The following TBCCD1 variants were observed in gnomAD, a reference collection of about 807,000 sequenced individuals.
The protein encoded by TBCCD1 is TBCC domain-containing protein 1.
In TBCCD1, 26 loss-of-function variants were observed where a neutral mutation model predicts 53.4. The observed-to-expected ratio is 0.49, with a 90% CI of 0.36 to 0.68. TBCCD1 has a LOEUF of 0.68. Ranked by LOEUF, TBCCD1 falls within the 30% of genes least tolerant of loss-of-function variation. The pLI is 0.00. For missense variants in TBCCD1, 558 were observed against 669.5 expected, an observed-to-expected ratio of 0.83 and a Z score of 1.84; for synonymous variants, 245 against 241.7, an observed-to-expected ratio of 1.01 and a Z score of -0.13.
At position 186,564,190 on chromosome 3, in the gene TBCCD1, C is replaced by A. The variant is rs1323724450; in HGVS notation, c.140G>T (p.Gly47Val). 1 of 1,614,142 alleles carries A rather than the reference C, an allele frequency of 6.2e-7. No individual in the cohort carries two copies. The highest frequency in any genetic ancestry group is 1.7e-5 in the Admixed American group (1 of 60,026). Reference sequence around the variant, plus strand: ...AGACCAGTAGAGGCGCGGGTAAGCTCCTTCTGTGGCCCGGATTTGCACATA... The same window carrying A: ...AGACCAGTAGAGGCGCGGGTAAGCTACTTCTGTGGCCCGGATTTGCACATA... ...STYVQIRATE[G>V]AYPRLYWSTW... is the part of the protein sequence containing the mutation. The change falls in exon 2 of 8, where the codon GGA becomes GTA. Residue 47 changes from glycine to valine, a missense_variant. Gly to Val is a moderately radical substitution (Grantham distance 109, BLOSUM62 -3). Transcript: ENST00000338733.
chr3:186,569,537 T>G (rs1038608309), upstream of TBCCD1, among the ~76,000 whole-genome samples: 1 of 152,008 alleles, frequency 6.6e-6, no homozygotes, highest in Non-Finnish European at 1.5e-5. Flanking sequence ...CAGCCTGGTC[T>G]CAAGCTCCTG....
intron 6 of TBCCD1, among the ~76,000 whole-genome samples, chr3:186,552,386 C>G (rs1714407030): frequency 6.6e-6 from 1 of 152,234 alleles, no homozygotes; most frequent in Non-Finnish European, 1.5e-5. Flanking sequence ...ATACCTTAAA[C>G]CACCACCATT....
chr3:186,549,335 C>T (rs1046880869), intron 7 of TBCCD1, among the ~76,000 whole-genome samples: 1 of 151,826 alleles, frequency 6.6e-6, no homozygotes, highest in Non-Finnish European at 1.5e-5. Context: ...TCCCTACATA[C>T]ATGAGTTTAT....
chr3:186,557,658 T>C (rs1714579362), intron 3 of TBCCD1, among the ~76,000 whole-genome samples: 1 of 152,130 alleles, frequency 6.6e-6, no homozygotes, highest in South Asian at 2.1e-4. Flanking sequence ...GAATAGCTGC[T>C]TGTAAGGGCC....
intron 4 of TBCCD1, among the ~76,000 whole-genome samples, chr3:186,556,052 T>C (rs190407004): frequency 1.3e-3 from 192 of 152,278 alleles, no homozygotes; most frequent in Non-Finnish European, 2.1e-3. Context: ...GCTGAAATAC[T>C]GGGAGGTCAC....
chr3:186,561,385 A>G (rs912785518), intron 2 of TBCCD1, among the ~76,000 whole-genome samples: 14 of 152,366 alleles, frequency 9.2e-5, no homozygotes, highest in South Asian at 2.1e-4. Flanking sequence ...CAAAACCACA[A>G]TGAGATATCA....
At chr3:186,555,118 TATCAA>T in intron 4 of TBCCD1, 34 bp from the exon 5 acceptor site, 4 of 1,552,694 alleles carry the variant, frequency 2.6e-6, no homozygotes, top group Non-Finnish European at 3.5e-6. Context: ...GATGAGGCAG[TATCAA>T]ATCAAAGAAA....
chr3:186,547,900 T>C (rs1346983996), intron 7 of TBCCD1, among the ~76,000 whole-genome samples: 10 of 151,268 alleles, frequency 6.6e-5, no homozygotes, highest in African/African-American at 2.4e-4. Context: ...CTAAATTCTT[T>C]AAAAAAAAAT....
Position 186,564,078 on chromosome 3 carries a change from C to T in TBCCD1, c.252G>A (p.Met84Ile), listed in dbSNP as rs752745741. 6.2e-7 allele frequency: 1 copy of T among 1,614,090 alleles called. No homozygotes were observed. The highest frequency in any genetic ancestry group is 1.3e-5 in the African/African-American group (1 of 74,920). ...ATTCCAGGCGCTCCTCAGGTGTCTT[C>T]ATTGAAAGACTATCAAATATTTCGA... ...LYFEIFDSLS[M>I]KTPEERLEWS... The change falls in exon 2 of 8, where the codon ATG becomes ATA. Residue 84 changes from methionine to isoleucine, a missense_variant. Transcript: ENST00000338733.
At chr3:186,551,596 G>A (rs960618898) in intron 6 of TBCCD1, among the ~76,000 whole-genome samples, 4 of 152,188 alleles carry the variant, frequency 2.6e-5, no homozygotes, top group Non-Finnish European at 5.9e-5. Flanking sequence ...GACACTTCAC[G>A]ACTCCAGAGG....
Position 186,546,764 on chromosome 3 carries a change from G to C in TBCCD1, c.*213C>G, listed in dbSNP as rs894931763. 6.7e-6 allele frequency: 1 copy of C among 150,178 alleles called. No homozygotes were observed. Among genetic ancestry groups the C allele is most frequent in the Non-Finnish European group, 1.5e-5 (1 of 67,890 alleles). 9.3% of individuals were successfully genotyped at this position (150,178 alleles called of 1,614,324 possible). ...GAGAATGGCGTGAACCCGGGAGGCA[G>C]AGCTTGCAGTGAGCCGAGATCGCGC... On this transcript the variant is annotated 3_prime_UTR_variant, in exon 8 of 8. Transcript: ENST00000338733.
intron 7 of TBCCD1, among the ~76,000 whole-genome samples, chr3:186,550,108 T>C (rs1446361179): frequency 6.6e-6 from 1 of 151,434 alleles, no homozygotes; most frequent in Non-Finnish European, 1.5e-5. Context: ...GTGCCTGTAA[T>C]CTCAGCTACT....
chr3:186,554,240 TA>T lies in TBCCD1; in HGVS notation c.1544+13del. Reference sequence around the variant, plus strand: ...CACAAAAAACACAAACTGTTACTTGTAAAAAATACTCACTTTGTCAAATGAG... The same window carrying T: ...CACAAAAAACACAAACTGTTACTTGTAAAAATACTCACTTTGTCAAATGAG... On this transcript the variant is annotated intron_variant, in intron 6 of 7. Transcript: ENST00000338733. The T allele has an allele frequency of 6.2e-7, 1 of 1,608,156 alleles. No individual in the cohort carries two copies. The highest frequency in any genetic ancestry group is 8.5e-7 in the Non-Finnish European group (1 of 1,178,770).
intron 5 of TBCCD1, 34 bp downstream of exon 5, chr3:186,554,864 C>G (rs1181188075): frequency 1.2e-6 from 2 of 1,605,820 alleles, no homozygotes; most frequent in East Asian, 4.5e-5. Flanking sequence ...AAGAAAATGT[C>G]AGAACATCAG....
intron 6 of TBCCD1, among the ~76,000 whole-genome samples, chr3:186,553,015 T>A (rs550318479): frequency 6.6e-6 from 1 of 152,190 alleles, no homozygotes; most frequent in African/African-American, 2.4e-5. Context: ...ATTAGAGGGG[T>A]CAGAGCAGGG....
chr3:186,560,981 G>A (rs1434648835), intron 2 of TBCCD1, among the ~76,000 whole-genome samples: 2 of 152,092 alleles, frequency 1.3e-5, no homozygotes, highest in Non-Finnish European at 2.9e-5. Flanking sequence ...TCAAAATGGA[G>A]GAAAGACTTA....
chr3:186,549,237 G>A (rs183444060), intron 7 of TBCCD1, among the ~76,000 whole-genome samples: 8 of 152,232 alleles, frequency 5.3e-5, no homozygotes, highest in Admixed American at 3.9e-4. Flanking sequence ...GCAGTGAGCC[G>A]AGACCGCACC....
In TBCCD1 at chr3:186,552,155, A is replaced by C. The variant is rs191179555; in HGVS notation, c.1545-876T>G. Among the ~76,000 whole-genome samples, 365 of 152,304 alleles carry C rather than the reference A, an allele frequency of 2.4e-3. 1 individual carries two copies. Among genetic ancestry groups the C allele is most frequent in the African/African-American group, 8.5e-3 (352 of 41,568 alleles). On this transcript the variant is annotated intron_variant, in intron 6 of 7. Coordinates refer to ENST00000338733, the MANE Select transcript of TBCCD1 (RefSeq NM_018138.5). ...AAGATAATATTTGAGCTTAGGTCTA[A>C]ATGAAATGATGGAATAAGCAGAATG... is the stretch of plus-strand genomic sequence containing the variant.
chr3:186,569,027 T>G (rs1023561932), upstream of TBCCD1, among the ~76,000 whole-genome samples: 1 of 151,884 alleles, frequency 6.6e-6, no homozygotes, highest in African/African-American at 2.4e-5. Flanking sequence ...TAAGCTGATA[T>G]ATGAGTTAAA....
Sources: allele counts gnomAD v4.1 joint callset (sites outside exome capture counted in the v4.1 genomes callset), GRCh38; gene constraint gnomAD v4.1.1; transcripts MANE v1.5; gene names NCBI Gene and HGNC (gene_info 2026-07-23, HGNC 2026-07-21).